Variants in SETD1A observed in about 807,000 individuals in gnomAD.
The protein encoded by SETD1A is SET domain containing 1A, histone lysine methyltransferase, also known as histone-lysine N-methyltransferase SETD1A.
In SETD1A, 29 loss-of-function variants were observed where a neutral mutation model predicts 149.9. The observed-to-expected ratio is 0.19, with a 90% CI of 0.14 to 0.26. The LOEUF (loss-of-function observed/expected upper bound fraction) is 0.26. Among genes scored for constraint, SETD1A ranks in the 10% least tolerant of loss-of-function variants. The pLI is 1.00. For missense variants in SETD1A, 2,109 were observed against 2,353.1 expected, an observed-to-expected ratio of 0.90 and a Z score of 2.15; for synonymous variants, 1,141 against 968.5, an observed-to-expected ratio of 1.18 and a Z score of -3.31.
intron 13 of SETD1A, among the ~76,000 whole-genome samples, chr16:30,978,774 A>G (rs930109084): frequency 2.0e-5 from 3 of 152,226 alleles, no homozygotes; most frequent in Non-Finnish European, 2.9e-5. Flanking sequence ...GCCTGGGCAC[A>G]GGGCTGTCCC....
In SETD1A at chr16:30,961,676, AT is replaced by A; in HGVS notation, c.517+143del. 1.3e-6 allele frequency: 1 copy of A among 773,786 alleles called. No individual in the cohort carries two copies. The highest frequency in any genetic ancestry group is 2.1e-6 in the Non-Finnish European group (1 of 484,852). The allele number at this position is 773,786 out of a possible 1,614,324, so 47.9% of individuals were successfully genotyped here. ...AGTTGTGTTTCTGAAATCAGATCAG[AT>A]TTTAGAGTGGAATTATGGTACATGG... On this transcript the variant is annotated intron_variant, in intron 4 of 18. Transcript: ENST00000262519. The surrounding 1 kb of genome is among the most constrained non-coding windows in gnomAD (Gnocchi z 4.0).
chr16:30,960,284 C>G (rs1007995671), intron 3 of SETD1A, among the ~76,000 whole-genome samples: 2 of 152,182 alleles, frequency 1.3e-5, no homozygotes, highest in African/African-American at 4.8e-5. Flanking sequence ...TGGTTATTGA[C>G]CTGGCCAAGC....
rs746877555 is a variant in SETD1A at position 30,971,460 on chromosome 16, C to T, written c.3099C>T (p.Ser1033=). 2.8e-5 allele frequency: 45 copies of T among 1,613,852 alleles called. No individual in the cohort carries two copies. The highest frequency in any genetic ancestry group is 8.9e-5 in the East Asian group (4 of 44,892). Reference sequence around the variant, plus strand: ...GCGAAAATGACAGCACATCAGACTCCGAGAGCAGCAGCTCTTCCAGCTCCT... The same window carrying T: ...GCGAAAATGACAGCACATCAGACTCTGAGAGCAGCAGCTCTTCCAGCTCCT... ...SDGENDSTSD[S]ESSSSSSSSS... is the part of the protein sequence containing the mutation. Residue 1033 remains serine, a synonymous_variant, in exon 13 of 19, where the codon TCC becomes TCT. Coordinates refer to ENST00000262519, the MANE Select transcript of SETD1A (RefSeq NM_014712.3).
At chr16:30,964,053 T>C in intron 5 of SETD1A, 41 bp from the exon 6 acceptor site, 1 of 1,517,950 alleles carries the variant, frequency 6.6e-7, no homozygotes, top group Non-Finnish European at 9.1e-7. Flanking sequence ...AAGTGGTGTT[T>C]GAGCCCATTC....
chr16:30,958,099 G>A (rs1161334244), intron 1 of SETD1A, 135 bp downstream of exon 1: 2 of 149,906 alleles, frequency 1.3e-5, no homozygotes, highest in African/African-American at 4.9e-5. Context: ...GAGGTGGGGG[G>A]AGGGGGAGCC....
chr16:30,964,576 A>G (rs1879504759), intron 6 of SETD1A, 36 bp from the exon 7 acceptor site: 1 of 1,593,692 alleles, frequency 6.3e-7, no homozygotes, highest in Non-Finnish European at 8.5e-7. Context: ...GGTCATAGAG[A>G]GCTGAGTCCA....
intron 3 of SETD1A, among the ~76,000 whole-genome samples, chr16:30,960,297 T>C (rs1327072635): frequency 6.6e-6 from 1 of 152,220 alleles, no homozygotes; most frequent in African/African-American, 2.4e-5. Context: ...GGCCAAGCCT[T>C]ATCCTCCGCC....
rs764428344 is a variant in SETD1A, at chr16:30,980,618, C to T, written c.4542C>T (p.Cys1514=). The change falls in exon 15 of 19, where the codon TGC becomes TGT. Residue 1514 remains cysteine (C), a synonymous_variant. Transcript: ENST00000262519. The surrounding 1 kb of genome is among the most constrained non-coding windows in gnomAD (Gnocchi z 7.7). ...KKEKDKYLDV[C]PVSARQLEGV... The stretch of plus-strand genomic sequence containing the variant: ...AGAAGGACAAGTACCTGGACGTGTG[C>T]CCAGTCTCGGCCCGGCAGCTGGAGG... 6 of 1,613,688 alleles carry T rather than the reference C, an allele frequency of 3.7e-6. No individual in the cohort carries two copies. The African/African-American group carries it at 4.0e-5, about 11-fold the overall frequency.
rs750138753 is a variant in SETD1A, at chr16:30,961,436, G to A, written c.416G>A (p.Arg139His). 2 of 1,614,114 alleles carry A rather than the reference G, an allele frequency of 1.2e-6. No homozygotes were observed. The highest frequency in any genetic ancestry group is 1.7e-6 in the Non-Finnish European group (2 of 1,179,996). ...PRTRKHLGLA[R>H]VLFTSTRGAK... ...ACGCGCAAGCACCTGGGCCTGGCCC[G>A]TGTGCTCTTCACCAGCACTCGGGGC... The change falls in exon 4 of 19, where the codon CGT becomes CAT. Residue 139 changes from arginine to histidine, a missense_variant. Coordinates refer to ENST00000262519, the MANE Select transcript of SETD1A (RefSeq NM_014712.3). This position sits in a 1 kb window ranked among gnomAD's most constrained non-coding sequence, Gnocchi z 4.0.
At position 30,964,665 on chromosome 16, in the gene SETD1A, C is replaced by A; in HGVS notation, c.923C>A (p.Ala308Asp). Reference protein sequence around the residue: ...PRRSENSYQDAFSRRHFSASS... With the variant: ...PRRSENSYQDDFSRRHFSASS... ...CGGTCAGAGAACAGCTACCAAGATG[C>A]CTTTTCCCGCCGCCACTTCTCTGCA... Residue 308 changes from alanine to aspartate, a missense_variant, in exon 7 of 19, where the codon GCC (alanine) becomes GAC (aspartate). By Grantham distance (126) the Ala-to-Asp change is moderately radical. This residue lies in a region of SETD1A where 410 missense variants were observed against 394.8 expected (regional missense o/e 1.04). Transcript: ENST00000262519. The A allele has an allele frequency of 6.2e-7, 1 of 1,614,046 alleles. No individual in the cohort carries two copies. The highest frequency in any genetic ancestry group is 8.5e-7 in the Non-Finnish European group (1 of 1,180,032).
In SETD1A at chr16:30,964,180, C is replaced by T. The variant is rs61744415; in HGVS notation, c.726C>T (p.Pro242=). ...TGGGCACTCCTGGCAACGGCACCCCCTGCTCCCAGGACACAAGCTTCTCCA... is the reference window on the plus strand; with the variant it reads ...TGGGCACTCCTGGCAACGGCACCCCTTGCTCCCAGGACACAAGCTTCTCCA... ...TAVGTPGNGT[P]CSQDTSFSSS... is the part of the protein sequence containing the mutation. The change falls in exon 6 of 19, where the codon CCC becomes CCT. Residue 242 remains proline (P), a synonymous_variant. Transcript: ENST00000262519. 7,592 of 1,614,164 alleles carry T rather than the reference C, an allele frequency of 4.7e-3. 29 individuals are homozygous for T. Among genetic ancestry groups the T allele is most frequent in the Middle Eastern group, 0.012 (73 of 6,062 alleles).
rs1317940646 is a variant in SETD1A, at chr16:30,967,563, C to T, written c.2745C>T (p.Ser915=). ...EASEEKRPRP[S]TPAEEDEDDP... is the part of the protein sequence containing the mutation. ...GTGAGGAAAAGAGGCCTCGTCCCTC[C>T]ACTCCTGCTGAGGAAGATGAAGACG... The change falls in exon 10 of 19, where the codon TCC becomes TCT. Residue 915 remains serine (S), a synonymous_variant. Transcript: ENST00000262519. 8 of 1,613,856 alleles carry T rather than the reference C, an allele frequency of 5.0e-6. No homozygotes were observed. Among genetic ancestry groups the T allele is most frequent in the African/African-American group, 2.7e-5 (2 of 74,908 alleles).
chr16:30,984,214 C>T lies in SETD1A; in HGVS notation c.*191C>T, dbSNP rs1253807886. On this transcript the variant is annotated 3_prime_UTR_variant, in exon 19 of 19. Coordinates refer to ENST00000262519, the MANE Select transcript of SETD1A (RefSeq NM_014712.3). Reference sequence around the variant, plus strand: ...GCTTCTGCCTCTCCTGTCACCCCTGCCCACCACCCCCTGATTGTTTTTCTT... The same window carrying T: ...GCTTCTGCCTCTCCTGTCACCCCTGTCCACCACCCCCTGATTGTTTTTCTT... 20 of 579,654 alleles carry T rather than the reference C, an allele frequency of 3.5e-5. 1 individual carries two copies. In the Admixed American group the frequency reaches 6.4e-4, roughly 18 times the overall value. The allele number at this position is 579,654 out of a possible 1,614,324, so 35.9% of individuals were successfully genotyped here. A position where few individuals can be genotyped will look rare whatever the true frequency, so the allele number is the denominator to read the frequency against.
In SETD1A at chr16:30,969,455, CGGA is replaced by C. The variant is rs2056196577; in HGVS notation, c.2923_2925del (p.Glu975del). ...GAGGAGGCATCCCAGGAGTCCTCCT[CGGA>C]GAAGGTGAGGGCCCGGGCGCCGGCT... On this transcript the variant is annotated inframe_deletion, in exon 11 of 19. Coordinates refer to ENST00000262519, the MANE Select transcript of SETD1A (RefSeq NM_014712.3). The C allele has an allele frequency of 6.2e-7, 1 of 1,610,396 alleles. No individual in the cohort carries two copies. The highest frequency in any genetic ancestry group is 1.7e-5 in the Admixed American group (1 of 59,392).
intron 8 of SETD1A, among the ~76,000 whole-genome samples, 187 bp downstream of exon 8, chr16:30,966,573 C>G (rs2056150496): frequency 6.6e-6 from 1 of 152,176 alleles, no homozygotes; most frequent in Non-Finnish European, 1.5e-5. Flanking sequence ...ACAGATGGGC[C>G]TGGGAGGCAG....
At chr16:30,981,438 G>A (rs1046434488) in intron 17 of SETD1A, among the ~76,000 whole-genome samples, 6 of 152,166 alleles carry the variant, frequency 3.9e-5, no homozygotes, top group Non-Finnish European at 4.4e-5. Flanking sequence ...GCAGTGGTGC[G>A]ATCTTGGCAC....
rs749590736 is a variant in SETD1A, at chr16:30,965,650, G to A, written c.1769G>A (p.Arg590Gln). 8.1e-6 allele frequency: 13 copies of A among 1,612,488 alleles called. No homozygotes were observed. Among genetic ancestry groups the A allele is most frequent in the East Asian group, 4.5e-5 (2 of 44,746 alleles). Reference sequence around the variant, plus strand: ...GACATGGAGATCTCCGACGACGACCGGGGTGGCTCACCCCCTCCGGCCCCG... The same window carrying A: ...GACATGGAGATCTCCGACGACGACCAGGGTGGCTCACCCCCTCCGGCCCCG... ...GDDMEISDDD[R>Q]GGSPPPAPTP... The change falls in exon 8 of 19, where the codon CGG (arginine) becomes CAG (glutamine). Residue 590 changes from arginine (R) to glutamine (Q), a missense_variant. Coordinates refer to ENST00000262519, the MANE Select transcript of SETD1A (RefSeq NM_014712.3).
Position 30,981,078 on chromosome 16 carries a change from C to T in SETD1A, c.4710C>T (p.Leu1570=), listed in dbSNP as rs540080787. The T allele has an allele frequency of 3.1e-6, 5 of 1,614,198 alleles. No homozygotes were observed. Among genetic ancestry groups the T allele is most frequent in the Admixed American group, 1.7e-5 (1 of 60,018 alleles). ...LNQLKFRKKK[L]RFGRSRIHEW... is the part of the protein sequence containing the mutation. ...CCCCCCAGTTCCGGAAGAAGAAGCT[C>T]CGATTTGGCCGGAGCCGGATCCACG... is the stretch of plus-strand genomic sequence containing the variant. Residue 1570 remains leucine, a synonymous_variant, in exon 17 of 19, where the codon CTC becomes CTT. Coordinates refer to ENST00000262519, the MANE Select transcript of SETD1A (RefSeq NM_014712.3).
chr16:30,978,830 C>T (rs1355271446), intron 13 of SETD1A, among the ~76,000 whole-genome samples: 1 of 152,212 alleles, frequency 6.6e-6, no homozygotes, highest in African/African-American at 2.4e-5. Context: ...TGGTGCCGCC[C>T]TTCTCAGCGT....
Sources: gnomAD v4.1 joint callset for allele counts (sites outside exome capture counted in the v4.1 genomes callset) on GRCh38, gnomAD v4.1.1 for gene constraint, gnomAD v4.1.1 regional missense constraint, Gnocchi (gnomAD v3.1) non-coding constraint, MANE v1.5 for transcripts, NCBI Gene and HGNC (gene_info 2026-07-23, HGNC 2026-07-21) for gene names.